The following C1orf159 variants were observed in gnomAD, a reference collection of about 807,000 sequenced individuals.
C1orf159 encodes the protein chromosome 1 open reading frame 159.
In C1orf159, 19 loss-of-function variants were observed where a neutral mutation model predicts 25.6. The observed-to-expected ratio is 0.74, with a 90% CI of 0.52 to 1.09. C1orf159 has a LOEUF of 1.09. Among genes scored for constraint, C1orf159 ranks in the 50% least tolerant of loss-of-function variants. The probability of loss-of-function intolerance (pLI) is 0.00; values close to 1 mark genes in which losing one functional copy is unlikely to be tolerated. For missense variants in C1orf159, 274 were observed against 290.6 expected (o/e 0.94, Z 0.42); for synonymous variants, 139 against 124.7 (o/e 1.12, Z -0.77).
chr1:1,088,066 G>A (rs966166296), intron 4 of C1orf159, among the ~76,000 whole-genome samples: 12 of 151,762 alleles, frequency 7.9e-5, no homozygotes, highest in Non-Finnish European at 1.5e-4. Context: ...CAGGACTGCA[G>A]GCTGGGCCCG....
At chr1:1,103,572 C>A (rs1646132158) in intron 1 of C1orf159, among the ~76,000 whole-genome samples, 1 of 152,146 alleles carries the variant, frequency 6.6e-6, no homozygotes, top group Non-Finnish European at 1.5e-5. Flanking sequence ...AGGGTGCACG[C>A]AGGGGTCAGG....
In C1orf159 at chr1:1,106,969, C is replaced by T. The variant is rs754652971; in HGVS notation, c.-136+9091G>A. ...ACTGCCAGCCCCCCTGCACCAGGTT[C>T]GAATTCTTGCCGGGCCTCAGCTGCC... On this transcript the variant is annotated intron_variant, in intron 1 of 9. Transcript: ENST00000421241. 128 of 152,464 alleles carry T rather than the reference C, an allele frequency of 8.4e-4. 1 individual carries two copies. The highest frequency in any genetic ancestry group is 1.5e-3 in the Non-Finnish European group (100 of 68,268). The allele number at this position is 152,464 out of a possible 1,614,324, so 9.4% of individuals were successfully genotyped here. A position where few individuals can be genotyped will look rare whatever the true frequency, so the allele number is the denominator to read the frequency against.
At position 1,089,753 on chromosome 1, in the gene C1orf159, G is replaced by A. The variant is rs1645896290; in HGVS notation, c.148+600C>T. Among the ~76,000 whole-genome samples, 1 of 152,098 alleles carries A rather than the reference G, an allele frequency of 6.6e-6. No individual in the cohort carries two copies. Among genetic ancestry groups the A allele is most frequent in the Non-Finnish European group, 1.5e-5 (1 of 67,994 alleles). ...CAAGGGCCGCCAAGGAGTGGCCCTT[G>A]CACCTTCTCACTCTGTCCTCCCCTC... On this transcript the variant is annotated intron_variant, in intron 4 of 9. Transcript: ENST00000421241. This position sits in a 1 kb window ranked among gnomAD's most constrained non-coding sequence, Gnocchi z 7.5.
chr1:1,083,182 C>T (rs9442371), intron 9 of C1orf159, 195 bp from the exon 10 acceptor site: 300,578 of 548,040 alleles, frequency 0.55, 85,690 homozygotes, highest in East Asian at 0.81. Context: ...GGGAAAGGGA[C>T]GGCTTCCTCC....
In C1orf159 at chr1:1,112,924, G is replaced by A. The variant is rs531613935; in HGVS notation, c.-136+3136C>T. 5.2e-4 allele frequency among the ~76,000 whole-genome samples: 79 copies of A among 152,246 alleles called. 1 individual carries two copies. The South Asian group carries it at 5.4e-3, about 10-fold the overall frequency. ...AAACTTGCCTTAGTCGGTGGGGTGC[G>A]GTGGCTCACGCCTGTGATCCCAGCA... is the stretch of plus-strand genomic sequence containing the variant. On this transcript the variant is annotated intron_variant, in intron 1 of 9. Transcript: ENST00000421241.
chr1:1,090,308 G>A, intron 4 of C1orf159, 45 bp downstream of exon 4: 1 of 1,534,288 alleles, frequency 6.5e-7, no homozygotes, highest in Non-Finnish European at 8.8e-7. Flanking sequence ...ACACACCAGT[G>A]GCTCAGGGGC....
intron 1 of C1orf159, among the ~76,000 whole-genome samples, chr1:1,107,415 G>C (rs1646189334): frequency 6.6e-6 from 1 of 152,168 alleles, no homozygotes; most frequent in African/African-American, 2.4e-5. Context: ...TCAGCACTCT[G>C]TGTCTAGCTC....
chr1:1,104,019 G>A (rs556109991), intron 1 of C1orf159, among the ~76,000 whole-genome samples: 11 of 151,398 alleles, frequency 7.3e-5, no homozygotes, highest in South Asian at 2.1e-4. Flanking sequence ...ACAGAGTCTC[G>A]CTCTGTCACC....
rs755676547 is a variant in C1orf159, at chr1:1,087,045, T to C, written c.310+94A>G. 48 of 1,283,794 alleles carry C rather than the reference T, an allele frequency of 3.7e-5. No homozygotes were observed. The highest frequency in any genetic ancestry group is 5.0e-5 in the Non-Finnish European group (46 of 915,670). 79.5% of individuals were successfully genotyped at this position (1,283,794 alleles called of 1,614,324 possible). On this transcript the variant is annotated intron_variant, in intron 6 of 9. Transcript: ENST00000421241. This position sits in a 1 kb window ranked among gnomAD's most constrained non-coding sequence, Gnocchi z 8.3. Reference sequence around the variant, plus strand: ...CTGTTTTGCAGAACCCTGAGCCTGCTGTGGCTGCGTCAAGGGTGAGGGTCT... The same window carrying C: ...CTGTTTTGCAGAACCCTGAGCCTGCCGTGGCTGCGTCAAGGGTGAGGGTCT...
intron 1 of C1orf159, among the ~76,000 whole-genome samples, chr1:1,114,079 G>A (rs1320048744): frequency 6.6e-6 from 1 of 152,108 alleles, no homozygotes; most frequent in Non-Finnish European, 1.5e-5. Flanking sequence ...ACCATGCCCG[G>A]CTAATTTTTG....
At chr1:1,104,801 G>A (rs559463523) in intron 1 of C1orf159, among the ~76,000 whole-genome samples, 72 of 152,012 alleles carry the variant, frequency 4.7e-4, no homozygotes, top group South Asian at 2.9e-3. Flanking sequence ...GCAACAGAGC[G>A]AGGCCCTGTC....
At position 1,082,851 on chromosome 1, in the gene C1orf159, G is replaced by A. The variant is rs931865173; in HGVS notation, c.*42C>T. On this transcript the variant is annotated 3_prime_UTR_variant, in exon 10 of 10. Coordinates refer to ENST00000421241, the MANE Select transcript of C1orf159 (RefSeq NM_017891.5). ...GTTCCCGCCAAGGGGTCGGCCTCCG[G>A]GTCCCTGCCGCCAAGTGCGTGGCGT... 6.6e-7 allele frequency: 1 copy of A among 1,524,970 alleles called. No individual in the cohort carries two copies. The highest frequency in any genetic ancestry group is 1.9e-5 in the Admixed American group (1 of 51,820). 94.5% of individuals were successfully genotyped at this position (1,524,970 alleles called of 1,614,324 possible).
At chr1:1,114,514 CAG>C (rs1480398026) in intron 1 of C1orf159, among the ~76,000 whole-genome samples, 1 of 152,158 alleles carries the variant, frequency 6.6e-6, no homozygotes, top group African/African-American at 2.4e-5. Context: ...GGAGGTATCT[CAG>C]GGGTTCCCGG....
rs1013052128 is a variant in C1orf159, at chr1:1,089,891, G to T, written c.148+462C>A. ...AACCTCTGATGAACAGGGCCTGCCC[G>T]TGGCACGCTGACACAGGCCGGCATC... On this transcript the variant is annotated intron_variant, in intron 4 of 9. Transcript: ENST00000421241. This position sits in a 1 kb window ranked among gnomAD's most constrained non-coding sequence, Gnocchi z 7.5. Among the ~76,000 whole-genome samples, 1 of 152,194 alleles carries T rather than the reference G, an allele frequency of 6.6e-6. No individual in the cohort carries two copies. The highest frequency in any genetic ancestry group is 1.5e-5 in the Non-Finnish European group (1 of 68,038).
At chr1:1,085,370 C>T (rs1047217830) in intron 7 of C1orf159, 12 of 339,656 alleles carry the variant, frequency 3.5e-5, no homozygotes, top group African/African-American at 2.4e-4. Flanking sequence ...CCTGAAGGCA[C>T]CACAGTCACA....
intron 1 of C1orf159, among the ~76,000 whole-genome samples, chr1:1,107,931 T>C (rs943383622): frequency 6.6e-6 from 1 of 152,120 alleles, no homozygotes; most frequent in African/African-American, 2.4e-5. Flanking sequence ...CATCTGAACA[T>C]CAGAAGGAAC....
intron 1 of C1orf159, among the ~76,000 whole-genome samples, chr1:1,095,846 ATTCTT>A: frequency 6.6e-6 from 1 of 152,280 alleles, no homozygotes; most frequent in Non-Finnish European, 1.5e-5. Context: ...GTTTCCTTCT[ATTCTT>A]AGTTTACTGA....
intron 1 of C1orf159, among the ~76,000 whole-genome samples, chr1:1,097,070 G>C (rs1477313710): frequency 6.6e-6 from 1 of 151,718 alleles, no homozygotes; most frequent in Admixed American, 6.6e-5. Flanking sequence ...AGGATCCTTA[G>C]AAATAATGCC....
chr1:1,107,599 A>G (rs1646191679), intron 1 of C1orf159, among the ~76,000 whole-genome samples: 1 of 152,198 alleles, frequency 6.6e-6, no homozygotes, highest in African/African-American at 2.4e-5. Context: ...CGCACTAATC[A>G]GCACCCTGTC....
Sources: gnomAD v4.1 joint callset for allele counts (sites outside exome capture counted in the v4.1 genomes callset) on GRCh38, gnomAD v4.1.1 for gene constraint, Gnocchi (gnomAD v3.1) non-coding constraint, MANE v1.5 for transcripts, NCBI Gene and HGNC (gene_info 2026-07-23, HGNC 2026-07-21) for gene names.